The following FHIT variants were observed in gnomAD, a reference collection of about 807,000 sequenced individuals.
FHIT encodes fragile histidine triad diadenosine triphosphatase.
Under a neutral mutation model 17.9 loss-of-function variants are expected in FHIT, and 19 were observed. That is an observed-to-expected ratio of 1.06 (90% confidence interval 0.74 to 1.56). FHIT has a LOEUF of 1.56. FHIT is among the 40% of genes most tolerant of loss of function. The pLI is 0.00. For synonymous variants in FHIT, 81 were observed against 69.7 expected (o/e 1.16, Z -0.81); for missense variants, 248 against 189.2 (o/e 1.31, Z -1.82).
intron 2 of FHIT, among the ~76,000 whole-genome samples, chr3:61,069,355 G>A (rs931443385): frequency 2.0e-5 from 3 of 152,128 alleles, no homozygotes; most frequent in Non-Finnish European, 2.9e-5. Flanking sequence ...TTTAAAAAGC[G>A]CTGATGTCTA....
rs535451482 is a variant in FHIT at position 60,578,544 on chromosome 3, T to C, written c.-17-41565A>G. ...GTTTATCATGGGAAACAAGATCTTA[T>C]TCTTATAAAGTACCTGCATATTTTC... On this transcript the variant is annotated intron_variant, in intron 4 of 9. Transcript: ENST00000492590. Among the ~76,000 whole-genome samples the C allele has an allele frequency of 1.4e-3, 211 of 152,160 alleles. 1 individual carries two copies. Among genetic ancestry groups the C allele is most frequent in the African/African-American group, 4.9e-3 (202 of 41,504 alleles).
intron 5 of FHIT, among the ~76,000 whole-genome samples, chr3:60,140,613 T>C (rs187432317): frequency 1.3e-5 from 2 of 150,646 alleles, no homozygotes; most frequent in Non-Finnish European, 3.0e-5. Context: ...AGTTTCGCTA[T>C]TGTTGTCCAG....
chr3:59,840,393 TAA>T (rs5849304), intron 8 of FHIT, among the ~76,000 whole-genome samples: 39 of 139,686 alleles, frequency 2.8e-4, no homozygotes, highest in African/African-American at 3.4e-4. Flanking sequence ...TATCCCCCTT[TAA>T]AAAAAAAAAA....
chr3:61,009,239 G>A lies in FHIT; in HGVS notation c.-111+32808C>T, dbSNP rs2031650078. Among the ~76,000 whole-genome samples, 5 of 152,194 alleles carry A rather than the reference G, an allele frequency of 3.3e-5. No individual in the cohort carries two copies. In the South Asian group the frequency reaches 1.0e-3, roughly 32 times the overall value. Reference sequence around the variant, plus strand: ...CTGACAAGGAACAGGAAGAGCAGCAGGGGTGCAGGCATGAGCTTCACTTAG... The same window carrying A: ...CTGACAAGGAACAGGAAGAGCAGCAAGGGTGCAGGCATGAGCTTCACTTAG... On this transcript the variant is annotated intron_variant, in intron 3 of 9. Transcript: ENST00000492590.
chr3:60,782,351 C>G (rs1483547291), intron 4 of FHIT, among the ~76,000 whole-genome samples: 4 of 151,978 alleles, frequency 2.6e-5, no homozygotes, highest in Non-Finnish European at 5.9e-5. Context: ...AAAGGGGAAC[C>G]CTTGTTCACT....
chr3:60,602,958 C>G (rs1421662694), intron 4 of FHIT, among the ~76,000 whole-genome samples: 1 of 152,176 alleles, frequency 6.6e-6, no homozygotes, highest in Non-Finnish European at 1.5e-5. Context: ...ACTTCCCAGT[C>G]TCTATAACTG....
intron 5 of FHIT, among the ~76,000 whole-genome samples, chr3:60,180,980 T>A (rs956984193): frequency 1.2e-4 from 19 of 152,130 alleles, no homozygotes; most frequent in African/African-American, 4.3e-4. Context: ...TATTTTAAAA[T>A]GAAGGTGAGT....
At chr3:60,246,437 A>G (rs1024752904) in intron 5 of FHIT, among the ~76,000 whole-genome samples, 3 of 152,078 alleles carry the variant, frequency 2.0e-5, no homozygotes, top group Non-Finnish European at 4.4e-5. Flanking sequence ...GTTTCTTAAC[A>G]TTCGTATCAA....
intron 4 of FHIT, among the ~76,000 whole-genome samples, chr3:60,580,523 T>C (rs1553659393): frequency 6.6e-6 from 1 of 152,094 alleles, no homozygotes; most frequent in Non-Finnish European, 1.5e-5. Flanking sequence ...CATCTCATTT[T>C]ATCTGTATGG....
chr3:60,770,025 A>G (rs1575502288), intron 4 of FHIT, among the ~76,000 whole-genome samples: 1 of 152,300 alleles, frequency 6.6e-6, no homozygotes, highest in East Asian at 1.9e-4. Flanking sequence ...CTTGATTATC[A>G]GTTGGGAAAT....
chr3:60,566,240 T>A (rs1448736426), intron 4 of FHIT, among the ~76,000 whole-genome samples: 1 of 152,102 alleles, frequency 6.6e-6, no homozygotes, highest in African/African-American at 2.4e-5. Flanking sequence ...TCTGTTGATT[T>A]GGGGTTGAGA....
At chr3:59,985,788 C>T (rs1708870778) in intron 7 of FHIT, among the ~76,000 whole-genome samples, 1 of 152,114 alleles carries the variant, frequency 6.6e-6, no homozygotes, top group South Asian at 2.1e-4. Flanking sequence ...CTCACTTTCA[C>T]ACTGAGCCTA....
intron 5 of FHIT, among the ~76,000 whole-genome samples, chr3:60,381,099 A>G (rs535347014): frequency 2.2e-4 from 33 of 152,318 alleles, no homozygotes; most frequent in Non-Finnish European, 2.1e-4. Context: ...AAATGATTTT[A>G]TATTACCCAT....
intron 5 of FHIT, among the ~76,000 whole-genome samples, chr3:60,104,895 T>C (rs1438415068): frequency 6.6e-6 from 1 of 152,104 alleles, no homozygotes; most frequent in Non-Finnish European, 1.5e-5. Context: ...TCTTTCAAAT[T>C]CCACCAGCTA....
At chr3:60,798,959 A>G (rs2594162) in intron 4 of FHIT, among the ~76,000 whole-genome samples, 58,641 of 151,538 alleles carry the variant, frequency 0.39, 12,991 homozygotes, top group East Asian at 0.79. Context: ...GATTTCACCC[A>G]GCCTCCCAAA....
At chr3:60,878,282 T>C (rs1466519957) in intron 3 of FHIT, among the ~76,000 whole-genome samples, 3 of 152,092 alleles carry the variant, frequency 2.0e-5, no homozygotes, top group African/African-American at 7.2e-5. Flanking sequence ...CACAATAGGC[T>C]TGTGAAACTC....
chr3:60,314,737 G>T (rs899227430), intron 5 of FHIT, among the ~76,000 whole-genome samples: 5 of 152,066 alleles, frequency 3.3e-5, no homozygotes, highest in Admixed American at 2.0e-4. Context: ...GAAGTGAGGG[G>T]TCTATGTTCC....
chr3:59,881,449 A>G (rs542957307), intron 8 of FHIT, among the ~76,000 whole-genome samples: 22 of 152,302 alleles, frequency 1.4e-4, no homozygotes, highest in African/African-American at 5.3e-4. Flanking sequence ...AGTGGGCTTC[A>G]CTATTCCTAT....
chr3:60,717,070 C>T (rs960968105), intron 4 of FHIT, among the ~76,000 whole-genome samples: 2 of 152,118 alleles, frequency 1.3e-5, no homozygotes, highest in Middle Eastern at 3.2e-3. Context: ...CATGATCTCA[C>T]TTATATGTAG....
Sources: gnomAD v4.1 joint callset for allele counts (sites outside exome capture counted in the v4.1 genomes callset) on GRCh38, gnomAD v4.1.1 for gene constraint, MANE v1.5 for transcripts, NCBI Gene and HGNC (gene_info 2026-07-23, HGNC 2026-07-21) for gene names.